KCNQ1: variants seen among roughly 807,000 people sequenced by gnomAD.
KCNQ1 encodes the protein potassium voltage-gated channel subfamily KQT member 1.
KCNQ1 carries 49 observed loss-of-function variants against 72.4 expected under a neutral mutation model. The observed-to-expected ratio is 0.68, with a 90% confidence interval of 0.54 to 0.86. KCNQ1 has a LOEUF of 0.86. Ranked by LOEUF, KCNQ1 falls within the 40% of genes least tolerant of loss-of-function variation. The pLI, the probability that KCNQ1 is intolerant of heterozygous loss-of-function variation, is 0.00. For missense variants in KCNQ1, 790 were observed against 945.1 expected, an observed-to-expected ratio of 0.84 and a Z score of 2.15; for synonymous variants, 450 against 412.6, an observed-to-expected ratio of 1.09 and a Z score of -1.10.
rs1378089133 is a variant in KCNQ1 at position 2,588,090 on chromosome 11, G to GC, written c.1251+399dup. ...GGGAGCAGCAGGGGAGGGAGGTGAGGCAGGGGTGCAGCGAAGGGGGTCTGG... is the reference window on the plus strand; with the variant it reads ...GGGAGCAGCAGGGGAGGGAGGTGAGGCCAGGGGTGCAGCGAAGGGGGTCTGG... On this transcript the variant is annotated intron_variant, in intron 9 of 15. Transcript: ENST00000155840. The surrounding 1 kb of genome is among the most constrained non-coding windows in gnomAD (Gnocchi z 5.6). 6.6e-6 allele frequency among the ~76,000 whole-genome samples: 1 copy of GC among 152,098 alleles called. No homozygotes were observed. The highest frequency in any genetic ancestry group is 2.4e-5 in the African/African-American group (1 of 41,390).
In KCNQ1 at chr11:2,446,846, C is replaced by T. The variant is rs1044571691; in HGVS notation, c.386+1362C>T. Among the ~76,000 whole-genome samples the T allele has an allele frequency of 3.9e-5, 6 of 152,242 alleles. No homozygotes were observed. Among genetic ancestry groups the T allele is most frequent in the African/African-American group, 1.4e-4 (6 of 41,472 alleles). On this transcript the variant is annotated intron_variant, in intron 1 of 15. Coordinates refer to ENST00000155840, the MANE Select transcript of KCNQ1 (RefSeq NM_000218.3). The surrounding 1 kb of genome is among the most constrained non-coding windows in gnomAD (Gnocchi z 8.8). ...GAGCTGGCTCTGCTCGTGGCTGCAA[C>T]AGCGGGGGCTCGGCTTGGGGTTTGG...
At chr11:2,570,484 G>C (rs935186014) in intron 2 of KCNQ1, 144 bp from the exon 3 acceptor site, 1 of 1,065,100 alleles carries the variant, frequency 9.4e-7, no homozygotes, top group Non-Finnish European at 1.4e-6. Flanking sequence ...ATCACCATCC[G>C]CAGCAGGCCA....
chr11:2,613,149 A>G lies in KCNQ1; in HGVS notation c.1393+24295A>G, dbSNP rs769920970. On this transcript the variant is annotated intron_variant, in intron 10 of 15. Coordinates refer to ENST00000155840, the MANE Select transcript of KCNQ1 (RefSeq NM_000218.3). The surrounding 1 kb of genome is among the most constrained non-coding windows in gnomAD (Gnocchi z 4.8). ...CTTCCACCCTCTGCTGAGGGGATCTATGTGTGGGTTGGGACATTCAAAGTT... is the reference window on the plus strand; with the variant it reads ...CTTCCACCCTCTGCTGAGGGGATCTGTGTGTGGGTTGGGACATTCAAAGTT... 2.5e-6 allele frequency: 1 copy of G among 398,504 alleles called. No homozygotes were observed. Among genetic ancestry groups the G allele is most frequent in the Non-Finnish European group, 4.4e-6 (1 of 226,080 alleles). The allele number at this position is 398,504 out of a possible 1,614,324, so 24.7% of individuals were successfully genotyped here.
At chr11:2,792,749 A>G (rs570883728) in intron 15 of KCNQ1, among the ~76,000 whole-genome samples, 132 of 152,270 alleles carry the variant, frequency 8.7e-4, no homozygotes, top group Non-Finnish European at 1.5e-3. Flanking sequence ...GTGAGGCCTC[A>G]ATTAGAGGAG....
Position 2,720,009 on chromosome 11 carries a change from A to G in KCNQ1, c.1515-48835A>G, listed in dbSNP as rs1199885246. 6.6e-6 allele frequency among the ~76,000 whole-genome samples: 1 copy of G among 152,232 alleles called. No individual in the cohort carries two copies. The highest frequency in any genetic ancestry group is 1.5e-5 in the Non-Finnish European group (1 of 68,038). ...TGGGCGGAGGTGGAGCCGCTTCACC[A>G]TACATGCAAATGTAGCAAACTGCAA... On this transcript the variant is annotated intron_variant, in intron 11 of 15. Transcript: ENST00000155840. The surrounding 1 kb of genome is among the most constrained non-coding windows in gnomAD (Gnocchi z 5.1).
Position 2,446,316 on chromosome 11 carries a change from C to T in KCNQ1, c.386+832C>T, listed in dbSNP as rs971038985. 7.2e-5 allele frequency among the ~76,000 whole-genome samples: 11 copies of T among 152,160 alleles called. No homozygotes were observed. Among genetic ancestry groups the T allele is most frequent in the South Asian group, 4.1e-4 (2 of 4,836 alleles). ...GGGCCTTCCCCCGCTGCCCCAGTGGCCCTACTTCCTGGCTGCCCAGCCAGC... is the reference window on the plus strand; with the variant it reads ...GGGCCTTCCCCCGCTGCCCCAGTGGTCCTACTTCCTGGCTGCCCAGCCAGC... On this transcript the variant is annotated intron_variant, in intron 1 of 15. Transcript: ENST00000155840. The surrounding 1 kb of genome is among the most constrained non-coding windows in gnomAD (Gnocchi z 8.8).
intron 10 of KCNQ1, chr11:2,638,396 C>T (rs536147737): frequency 6.6e-6 from 1 of 152,264 alleles, no homozygotes; most frequent in South Asian, 2.1e-4. Flanking sequence ...TCAGCATTTG[C>T]TTGTCTATAA....
chr11:2,763,415 ATAAGAAAGAAAGAAAG>A (rs1846442914), intron 11 of KCNQ1, among the ~76,000 whole-genome samples: 1 of 146,580 alleles, frequency 6.8e-6, no homozygotes, highest in African/African-American at 2.4e-5. Context: ...AAAAAAAAAA[ATAAGAAAGAAAGAAAG>A]AAAGAAAGAT....
chr11:2,832,793 G>A (rs1456212600), intron 15 of KCNQ1, among the ~76,000 whole-genome samples: 1 of 152,202 alleles, frequency 6.6e-6, no homozygotes, highest in African/African-American at 2.4e-5. Context: ...GGAGACCATG[G>A]TCTGGCTGGG....
Position 2,687,838 on chromosome 11 carries a change from ACT to A in KCNQ1, c.1514+25760_1514+25761del. On this transcript the variant is annotated intron_variant, in intron 11 of 15. Coordinates refer to ENST00000155840, the MANE Select transcript of KCNQ1 (RefSeq NM_000218.3). This position sits in a 1 kb window ranked among gnomAD's most constrained non-coding sequence, Gnocchi z 5.0. ...TCTGCCCCAACTGGCTCCAGGCCAA[ACT>A]CTGGTTCCTGAGGAGCCTCAAAGGC... 1 of 398,628 alleles carries A rather than the reference ACT, an allele frequency of 2.5e-6. No individual in the cohort carries two copies. Among genetic ancestry groups the A allele is most frequent in the South Asian group, 1.3e-4 (1 of 7,858 alleles). The allele number at this position is 398,628 out of a possible 1,614,324, so 24.7% of individuals were successfully genotyped here. A position where few individuals can be genotyped will look rare whatever the true frequency, so the allele number is the denominator to read the frequency against.
intron 11 of KCNQ1, chr11:2,675,638 G>A (rs1421895364): frequency 2.5e-6 from 1 of 398,626 alleles, no homozygotes; most frequent in Non-Finnish European, 4.4e-6. Flanking sequence ...ATTAGAGGGT[G>A]GTTGGGCTCT....
intron 1 of KCNQ1, among the ~76,000 whole-genome samples, chr11:2,469,892 C>T (rs1846416878): frequency 6.6e-6 from 1 of 151,918 alleles, no homozygotes; most frequent in Non-Finnish European, 1.5e-5. Context: ...CATCTCCTGA[C>T]CTCGTGATCC....
rs1846052014 is a variant in KCNQ1 at position 2,447,267 on chromosome 11, C to T, written c.386+1783C>T. ...CTTCGCCCAGCCTCCGCAGAGCTGGCAAGGCAGGGGTGGCTTCTGGGGACA... is the reference window on the plus strand; with the variant it reads ...CTTCGCCCAGCCTCCGCAGAGCTGGTAAGGCAGGGGTGGCTTCTGGGGACA... On this transcript the variant is annotated intron_variant, in intron 1 of 15. Transcript: ENST00000155840. The surrounding 1 kb of genome is among the most constrained non-coding windows in gnomAD (Gnocchi z 7.6). 6.6e-6 allele frequency among the ~76,000 whole-genome samples: 1 copy of T among 152,122 alleles called. No homozygotes were observed.
rs996626600 is a variant in KCNQ1, at chr11:2,559,810, G to A, written c.478-10818G>A. ...CCAGCTGTGGGAAGGCCTGTGGCTA[G>A]GGCTCTGCTGCCTGCTTCCTGGGCA... On this transcript the variant is annotated intron_variant, in intron 2 of 15. Coordinates refer to ENST00000155840, the MANE Select transcript of KCNQ1 (RefSeq NM_000218.3). This position sits in a 1 kb window ranked among gnomAD's most constrained non-coding sequence, Gnocchi z 4.9. 2.0e-5 allele frequency among the ~76,000 whole-genome samples: 3 copies of A among 152,056 alleles called. No homozygotes were observed. Among genetic ancestry groups the A allele is most frequent in the African/African-American group, 7.2e-5 (3 of 41,402 alleles).
rs1255122914 is a variant in KCNQ1, at chr11:2,764,407, G to A, written c.1515-4437G>A. On this transcript the variant is annotated intron_variant, in intron 11 of 15. Transcript: ENST00000155840. This position sits in a 1 kb window ranked among gnomAD's most constrained non-coding sequence, Gnocchi z 4.8. ...TGCACAAGTGGATTAAACCACATTC[G>A]AGCATGTGTTTGGGCACAGTGCTAC... is the stretch of plus-strand genomic sequence containing the variant. 6.6e-6 allele frequency among the ~76,000 whole-genome samples: 1 copy of A among 152,138 alleles called. No individual in the cohort carries two copies. Among genetic ancestry groups the A allele is most frequent in the East Asian group, 1.9e-4 (1 of 5,198 alleles).
intron 1 of KCNQ1, among the ~76,000 whole-genome samples, chr11:2,490,704 T>C (rs1342517452): frequency 6.6e-6 from 1 of 152,226 alleles, no homozygotes; most frequent in Non-Finnish European, 1.5e-5. Flanking sequence ...TATTTATTTT[T>C]TGAAACAGAG....
chr11:2,714,752 A>C (rs1851061470), intron 11 of KCNQ1, among the ~76,000 whole-genome samples: 1 of 152,160 alleles, frequency 6.6e-6, no homozygotes, highest in South Asian at 2.1e-4. Context: ...TGGTAGGGGT[A>C]GGAGAGCATC....
rs909296187 is a variant in KCNQ1, at chr11:2,593,614, C to A, written c.1393+4760C>A. Among the ~76,000 whole-genome samples, 1 of 152,150 alleles carries A rather than the reference C, an allele frequency of 6.6e-6. No individual in the cohort carries two copies. The highest frequency in any genetic ancestry group is 2.1e-4 in the South Asian group (1 of 4,832). On this transcript the variant is annotated intron_variant, in intron 10 of 15. Transcript: ENST00000155840. The surrounding 1 kb of genome is among the most constrained non-coding windows in gnomAD (Gnocchi z 6.9). ...TGCTGGAGGAGCATGCATCACATAC[C>A]CAGAGGTCCCCAGTGTGGTCTGGGG...
Position 2,695,989 on chromosome 11 carries a change from A to C in KCNQ1, c.1514+33908A>C. ...TGTTTCAAATATCTTGTAATGAGTC[A>C]TGGCAAAGTTACATTCATGAGTGTA... On this transcript the variant is annotated intron_variant, in intron 11 of 15. Coordinates refer to ENST00000155840, the MANE Select transcript of KCNQ1 (RefSeq NM_000218.3). This position sits in a 1 kb window ranked among gnomAD's most constrained non-coding sequence, Gnocchi z 5.2. 1 of 398,612 alleles carries C rather than the reference A, an allele frequency of 2.5e-6. No homozygotes were observed. Among genetic ancestry groups the C allele is most frequent in the Non-Finnish European group, 4.4e-6 (1 of 226,062 alleles). The allele number at this position is 398,612 out of a possible 1,614,324, so 24.7% of individuals were successfully genotyped here.
Sources: gnomAD v4.1 joint callset for allele counts (sites outside exome capture counted in the v4.1 genomes callset) on GRCh38, gnomAD v4.1.1 for gene constraint, Gnocchi (gnomAD v3.1) non-coding constraint, MANE v1.5 for transcripts, NCBI Gene and HGNC (gene_info 2026-07-23, HGNC 2026-07-21) for gene names.